The following RB1 variants were observed in gnomAD, a reference collection of about 807,000 sequenced individuals.
RB1 encodes the protein retinoblastoma-associated protein.
Under a neutral mutation model 135.4 loss-of-function variants are expected in RB1, and 18 were observed. The ratio of observed to expected loss-of-function variants is 0.13; its 90% confidence interval spans 0.09 to 0.20. The LOEUF (loss-of-function observed/expected upper bound fraction) is 0.20, where lower values mean the gene tolerates loss of function less well. Ranked by LOEUF, RB1 falls within the 10% of genes least tolerant of loss-of-function variation. RB1 has a pLI of 1.00. For missense variants in RB1, 868 were observed against 1,110.0 expected (o/e 0.78, Z 3.10); for synonymous variants, 365 against 373.2 (o/e 0.98, Z 0.25).
chr13:48,411,774 A>G (rs765891671), intron 17 of RB1: 1 of 1,611,368 alleles, frequency 6.2e-7, no homozygotes, highest in Admixed American at 1.7e-5. Context: ...GCTTCTACTT[A>G]ATGTAACAGG....
At position 48,465,220 on chromosome 13, in the gene RB1, C is replaced by A. The variant is rs2138345522; in HGVS notation, c.2341C>A (p.Pro781Thr). ...TTTGCTCTAGCCCCCTACCTTGTCACCAATACCTCACATTCCTCGAAGCCC... is the reference window on the plus strand; with the variant it reads ...TTTGCTCTAGCCCCCTACCTTGTCAACAATACCTCACATTCCTCGAAGCCC... ...YASTRPPTLS[P>T]IPHIPRSPYK... The change falls in exon 23 of 27, where the codon CCA becomes ACA. Residue 781 changes from proline to threonine, a missense_variant. Physicochemically the swap from Pro to Thr is conservative, Grantham distance 38. Around this residue, in one of 3 missense-constraint regions of RB1, gnomAD observed 196 missense variants for 239.8 expected, o/e 0.82. Transcript: ENST00000267163. 1.9e-6 allele frequency: 3 copies of A among 1,614,006 alleles called. No homozygotes were observed. Among genetic ancestry groups the A allele is most frequent in the Non-Finnish European group, 2.5e-6 (3 of 1,179,940 alleles).
intron 17 of RB1, among the ~76,000 whole-genome samples, chr13:48,422,032 A>G (rs761566729): frequency 1.2e-4 from 19 of 152,344 alleles, no homozygotes; most frequent in Non-Finnish European, 2.6e-4. Context: ...TACCCAAAGG[A>G]TTATAAATAA....
chr13:48,423,708 G>C (rs1949041188), intron 17 of RB1, among the ~76,000 whole-genome samples: 1 of 152,142 alleles, frequency 6.6e-6, no homozygotes, highest in African/African-American at 2.4e-5. Flanking sequence ...TCAAATGAGA[G>C]AGTATGTGAG....
At chr13:48,460,170 T>C (rs1357048521) in intron 20 of RB1, among the ~76,000 whole-genome samples, 1 of 151,706 alleles carries the variant, frequency 6.6e-6, no homozygotes, top group Non-Finnish European at 1.5e-5. Context: ...GTTTTCACCA[T>C]GTTGGCCAGG....
At position 48,402,379 on chromosome 13, in the gene RB1, C is replaced by CT. The variant is rs545934425; in HGVS notation, c.1695+20949dup. 8.7e-5 allele frequency among the ~76,000 whole-genome samples: 11 copies of CT among 125,738 alleles called. No homozygotes were observed. In the South Asian group the frequency reaches 1.6e-3, roughly 18 times the overall value. The allele number at this position is 125,738 out of a possible 152,430, so 82.5% of individuals were successfully genotyped here. A position where few individuals can be genotyped will look rare whatever the true frequency, so the allele number is the denominator to read the frequency against. Reference sequence around the variant, plus strand: ...GGTAAAGAAATCCCTTGTAGAAAACCTTTTTTTTTTTTTAAACAGATGAGT... The same window carrying CT: ...GGTAAAGAAATCCCTTGTAGAAAACCTTTTTTTTTTTTTTAAACAGATGAGT... On this transcript the variant is annotated intron_variant, in intron 17 of 26. Coordinates refer to ENST00000267163, the MANE Select transcript of RB1 (RefSeq NM_000321.3).
chr13:48,311,255 G>A (rs1362132803), intron 2 of RB1, among the ~76,000 whole-genome samples: 2 of 152,082 alleles, frequency 1.3e-5, no homozygotes, highest in Non-Finnish European at 2.9e-5. Flanking sequence ...ATATCTCAAA[G>A]AGCTTTGGGA....
At chr13:48,308,651 CA>C (rs368116879) in intron 2 of RB1, among the ~76,000 whole-genome samples, 4,635 of 136,196 alleles carry the variant, frequency 0.034, 229 homozygotes, top group African/African-American at 0.11. Flanking sequence ...GACTCCATCT[CA>C]AAAAAAAAAC....
chr13:48,366,483 T>C (rs1952699861), intron 9 of RB1, among the ~76,000 whole-genome samples: 1 of 152,190 alleles, frequency 6.6e-6, no homozygotes, highest in Non-Finnish European at 1.5e-5. Context: ...AAATGCAATT[T>C]TACTTCTCTG....
In RB1 at chr13:48,465,026, A is replaced by C. The variant is rs767200255; in HGVS notation, c.2240A>C (p.Glu747Ala). Residue 747 changes from glutamate (E) to alanine (A), a missense_variant, in exon 22 of 27, where the codon GAG becomes GCG. Glu to Ala is a moderately radical substitution (Grantham distance 107, BLOSUM62 -1). Transcript: ENST00000267163. ...ETFKRVLIKE[E>A]EYDSIIVFYN... ...TTCAAACGTGTTTTGATCAAAGAAG[A>C]GGAGTATGATTCTATTATAGTATTC... 6.5e-7 allele frequency: 1 copy of C among 1,534,480 alleles called. No homozygotes were observed.
At position 48,373,495 on chromosome 13, in the gene RB1, A is replaced by G. The variant is rs1254191370; in HGVS notation, c.1215+3A>G. ...AAAATCTGATTTCCTATTTTAACGT[A>G]AGCCATATATGAAACATTATTTATT... On this transcript the variant is annotated splice_donor_region_variant and intron_variant, in intron 12 of 26. Coordinates refer to ENST00000267163, the MANE Select transcript of RB1 (RefSeq NM_000321.3). The G allele has an allele frequency of 4.6e-6, 7 of 1,526,968 alleles. No individual in the cohort carries two copies. The East Asian group carries it at 1.6e-4, about 35-fold the overall frequency. The allele number at this position is 1,526,968 out of a possible 1,614,324, so 94.6% of individuals were successfully genotyped here. A position where few individuals can be genotyped will look rare whatever the true frequency, so the allele number is the denominator to read the frequency against.
At chr13:48,353,774 C>T (rs144342592) in intron 6 of RB1, among the ~76,000 whole-genome samples, 88 of 152,126 alleles carry the variant, frequency 5.8e-4, no homozygotes, top group Middle Eastern at 3.4e-3. Context: ...CCCTGCAATG[C>T]AAGGATGGTT....
chr13:48,384,245 A>G (rs956510092), intron 17 of RB1, among the ~76,000 whole-genome samples: 1 of 152,120 alleles, frequency 6.6e-6, no homozygotes, highest in South Asian at 2.1e-4. Context: ...GAAACTATAG[A>G]GGACTTTTAT....
chr13:48,464,638 C>T (rs962639543), intron 21 of RB1, among the ~76,000 whole-genome samples: 12 of 152,262 alleles, frequency 7.9e-5, no homozygotes, highest in Admixed American at 2.0e-4. Flanking sequence ...TATTGGCTTT[C>T]GCTCAGCTCT....
intron 17 of RB1, among the ~76,000 whole-genome samples, chr13:48,414,941 G>A (rs1314761259): frequency 6.6e-6 from 1 of 151,988 alleles, no homozygotes; most frequent in Non-Finnish European, 1.5e-5. Flanking sequence ...TGGTTAATAA[G>A]CTTGTATTCT....
At chr13:48,309,914 T>C (rs910674529) in intron 2 of RB1, among the ~76,000 whole-genome samples, 2 of 152,180 alleles carry the variant, frequency 1.3e-5, no homozygotes, top group Non-Finnish European at 2.9e-5. Flanking sequence ...GCTTTGTCTC[T>C]ACCTTCCCTG....
chr13:48,404,571 G>C (rs1948722793), intron 17 of RB1, among the ~76,000 whole-genome samples: 1 of 152,032 alleles, frequency 6.6e-6, no homozygotes, highest in Non-Finnish European at 1.5e-5. Flanking sequence ...CTGTCGCCCA[G>C]GCTGGAGTGC....
At chr13:48,428,818 A>G (rs1249894159) in intron 17 of RB1, among the ~76,000 whole-genome samples, 1 of 152,260 alleles carries the variant, frequency 6.6e-6, no homozygotes, top group African/African-American at 2.4e-5. Flanking sequence ...AATAATTAGA[A>G]CAAGGGTTTT....
intron 17 of RB1, among the ~76,000 whole-genome samples, chr13:48,392,006 T>C (rs1948614358): frequency 6.6e-6 from 1 of 152,256 alleles, no homozygotes; most frequent in African/African-American, 2.4e-5. Context: ...ACCTTTATTT[T>C]TAAAAGGTCT....
chr13:48,345,987 A>C (rs555635032), intron 4 of RB1, among the ~76,000 whole-genome samples: 2 of 152,010 alleles, frequency 1.3e-5, no homozygotes, highest in South Asian at 4.1e-4. Flanking sequence ...AAAACTTCAC[A>C]ACTGTGGTGG....
Sources: gnomAD v4.1 joint callset for allele counts (sites outside exome capture counted in the v4.1 genomes callset) on GRCh38, gnomAD v4.1.1 for gene constraint, gnomAD v4.1.1 regional missense constraint, MANE v1.5 for transcripts, NCBI Gene and HGNC (gene_info 2026-07-23, HGNC 2026-07-21) for gene names.